EPHB2: variants seen among roughly 807,000 people sequenced by gnomAD.
EPHB2 encodes ephrin type-B receptor 2.
In EPHB2, 18 loss-of-function variants were observed where a neutral mutation model predicts 96.4. The observed-to-expected ratio is 0.19, with a 90% CI of 0.13 to 0.28. The LOEUF is 0.28. EPHB2 is among the 10% of genes least tolerant of loss of function. The probability of loss-of-function intolerance (pLI) is 1.00; values close to 1 mark genes in which losing one functional copy is unlikely to be tolerated. For missense variants in EPHB2, 989 were observed against 1,355.4 expected (o/e 0.73, Z 4.25); for synonymous variants, 506 against 534.1 (o/e 0.95, Z 0.72).
intron 5 of EPHB2, among the ~76,000 whole-genome samples, chr1:22,867,984 G>A (rs1638534703): frequency 1.3e-5 from 2 of 152,222 alleles, no homozygotes; most frequent in Non-Finnish European, 2.9e-5. Flanking sequence ...AGAAACCCAG[G>A]CCCCCAAAGG....
intron 3 of EPHB2, among the ~76,000 whole-genome samples, chr1:22,828,816 G>A (rs1357721821): frequency 6.6e-6 from 1 of 152,340 alleles, no homozygotes; most frequent in South Asian, 2.1e-4. Context: ...GCTTTAGAAT[G>A]TTGTAGGCAT....
At chr1:22,891,340 T>A in intron 6 of EPHB2, 1 of 363,388 alleles carries the variant, frequency 2.8e-6, no homozygotes, top group Non-Finnish European at 5.4e-6. Context: ...GTGACTGGCA[T>A]GTACAACTAG....
intron 1 of EPHB2, among the ~76,000 whole-genome samples, chr1:22,755,591 G>C (rs962066472): frequency 2.0e-5 from 3 of 152,104 alleles, no homozygotes; most frequent in African/African-American, 7.2e-5. Context: ...GGGGCTTCTG[G>C]GGGAGCTAGA....
At chr1:22,823,111 C>T (rs991409962) in intron 3 of EPHB2, among the ~76,000 whole-genome samples, 2 of 152,236 alleles carry the variant, frequency 1.3e-5, no homozygotes, top group African/African-American at 4.8e-5. Context: ...CAAGTTAGCT[C>T]TGCCACATCC....
Position 22,846,492 on chromosome 1 carries a change from G to T in EPHB2, c.812-16545G>T, listed in dbSNP as rs894982991. ...AGACTTCTTCCTGATTTCTCCAGAG[G>T]TTCACAGACCGCCCTGCCAAAGACA... On this transcript the variant is annotated intron_variant, in intron 3 of 15. Coordinates refer to ENST00000374630, the MANE Select transcript of EPHB2 (RefSeq NM_017449.5). The surrounding 1 kb of genome is among the most constrained non-coding windows in gnomAD (Gnocchi z 4.3). 3.9e-5 allele frequency among the ~76,000 whole-genome samples: 6 copies of T among 152,024 alleles called. No individual in the cohort carries two copies. The highest frequency in any genetic ancestry group is 1.3e-4 in the Admixed American group (2 of 15,280).
chr1:22,877,000 C>G (rs928563084), intron 5 of EPHB2, among the ~76,000 whole-genome samples: 1 of 152,210 alleles, frequency 6.6e-6, no homozygotes, highest in Non-Finnish European at 1.5e-5. Context: ...CAGCTGAGTT[C>G]CCAGAGCTGG....
intron 3 of EPHB2, among the ~76,000 whole-genome samples, chr1:22,821,446 T>C (rs1303391085): frequency 6.6e-6 from 1 of 152,156 alleles, no homozygotes; most frequent in African/African-American, 2.4e-5. Context: ...GTCTAGTAAG[T>C]CATCAAATCC....
chr1:22,841,981 G>A (rs1395415167), intron 3 of EPHB2, among the ~76,000 whole-genome samples: 1 of 152,184 alleles, frequency 6.6e-6, no homozygotes, highest in African/African-American at 2.4e-5. Context: ...CCAGGAGCCG[G>A]GCAAGATCTG....
chr1:22,900,203 A>C (rs552638937), intron 9 of EPHB2, among the ~76,000 whole-genome samples: 1 of 152,232 alleles, frequency 6.6e-6, no homozygotes, highest in African/African-American at 2.4e-5. Flanking sequence ...CTGAGGCAGG[A>C]GAATTGCTTG....
intron 11 of EPHB2, 69 bp from the exon 12 acceptor site, chr1:22,907,884 A>G: frequency 6.3e-7 from 1 of 1,575,212 alleles, no homozygotes; most frequent in Non-Finnish European, 8.7e-7. Context: ...GTTTCCCATT[A>G]TGAGGATGAT....
chr1:22,870,675 C>T (rs776578426), intron 5 of EPHB2, among the ~76,000 whole-genome samples: 1 of 152,202 alleles, frequency 6.6e-6, no homozygotes, highest in Non-Finnish European at 1.5e-5. Flanking sequence ...TGGCCATTCT[C>T]CAGGGCTGCC....
intron 1 of EPHB2, among the ~76,000 whole-genome samples, chr1:22,756,188 G>A (rs1330765078): frequency 6.6e-6 from 1 of 152,170 alleles, no homozygotes; most frequent in Non-Finnish European, 1.5e-5. Context: ...GAAGAAGCTT[G>A]CACTTTCTCC....
Position 22,882,385 on chromosome 1 carries a change from C to G in EPHB2, c.1330C>G (p.Gln444Glu). 1 of 1,614,136 alleles carries G rather than the reference C, an allele frequency of 6.2e-7. No individual in the cohort carries two copies. The highest frequency in any genetic ancestry group is 1.3e-5 in the African/African-American group (1 of 75,066). Reference sequence around the variant, plus strand: ...TCCATCGGCAGTGTCCATCATGCATCAGGTGAGCCGCACCGTGGACAGCAT... The same window carrying G: ...TCCATCGGCAGTGTCCATCATGCATGAGGTGAGCCGCACCGTGGACAGCAT... ...AAPSAVSIMHQVSRTVDSITL... is the reference protein window; with the variant it reads ...AAPSAVSIMHEVSRTVDSITL... The change falls in exon 6 of 16, where the codon CAG becomes GAG. Residue 444 changes from glutamine to glutamate, a missense_variant. Physicochemically the swap from Gln to Glu is conservative, Grantham distance 29. Coordinates refer to ENST00000374630, the MANE Select transcript of EPHB2 (RefSeq NM_017449.5).
In EPHB2 at chr1:22,906,074, TCTC is replaced by T; in HGVS notation, c.1856_1858del (p.Ser619del). 6.2e-7 allele frequency: 1 copy of T among 1,614,152 alleles called. No homozygotes were observed. The highest frequency in any genetic ancestry group is 1.1e-5 in the South Asian group (1 of 91,066). The stretch of plus-strand genomic sequence containing the variant: ...CGGGAGTTTGCCAAGGAAATTGACA[TCTC>T]CTGTGTCAAAATTGAGCAGGTGATC... On this transcript the variant is annotated inframe_deletion, in exon 10 of 16. Transcript: ENST00000374630. This position sits in a 1 kb window ranked among gnomAD's most constrained non-coding sequence, Gnocchi z 4.8.
At chr1:22,714,681 T>C (rs780321882) in intron 1 of EPHB2, among the ~76,000 whole-genome samples, 6 of 152,174 alleles carry the variant, frequency 3.9e-5, no homozygotes, top group Non-Finnish European at 7.3e-5. Context: ...CTTGGAAAGA[T>C]CACTGACTTG....
intron 1 of EPHB2, among the ~76,000 whole-genome samples, chr1:22,744,671 CAAAAAAAAAA>C (rs59996691): frequency 6.9e-5 from 4 of 57,922 alleles, no homozygotes; most frequent in East Asian, 6.1e-4. Flanking sequence ...GACATTGTCT[CAAAAAAAAAA>C]AAAAAAAAAA....
At chr1:22,885,100 C>A (rs1244224880) in intron 6 of EPHB2, among the ~76,000 whole-genome samples, 1 of 152,128 alleles carries the variant, frequency 6.6e-6, no homozygotes, top group Non-Finnish European at 1.5e-5. Flanking sequence ...CCTCAGTGGG[C>A]CCTGGAGGGC....
rs1263652277 is a variant in EPHB2, at chr1:22,919,167, C to CT, written c.*5599dup. The CT allele has an allele frequency of 3.3e-5, 5 of 152,274 alleles. No homozygotes were observed. Among genetic ancestry groups the CT allele is most frequent in the African/African-American group, 1.2e-4 (5 of 41,468 alleles). The allele number at this position is 152,274 out of a possible 1,614,324, so 9.4% of individuals were successfully genotyped here. A position where few individuals can be genotyped will look rare whatever the true frequency, so the allele number is the denominator to read the frequency against. On this transcript the variant is annotated 3_prime_UTR_variant, in exon 16 of 16. Coordinates refer to ENST00000374630, the MANE Select transcript of EPHB2 (RefSeq NM_017449.5). ...CAGACATGGAAATCCTCACTTGACTCTTCCCCCATAACAAACTGCCCTGAT... is the reference window on the plus strand; with the variant it reads ...CAGACATGGAAATCCTCACTTGACTCTTTCCCCCATAACAAACTGCCCTGAT...
chr1:22,897,078 A>T (rs1410317115), intron 9 of EPHB2, among the ~76,000 whole-genome samples: 2 of 150,822 alleles, frequency 1.3e-5, no homozygotes, highest in Admixed American at 1.3e-4. Flanking sequence ...TTCCCCAGTG[A>T]CTCCTCTGGT....
Sources: gnomAD v4.1 joint callset for allele counts (sites outside exome capture counted in the v4.1 genomes callset) on GRCh38, gnomAD v4.1.1 for gene constraint, Gnocchi (gnomAD v3.1) non-coding constraint, MANE v1.5 for transcripts, NCBI Gene and HGNC (gene_info 2026-07-23, HGNC 2026-07-21) for gene names.